The following GPC5 variants were observed in gnomAD, a reference collection of about 807,000 sequenced individuals.
GPC5 encodes the protein glypican-5.
A neutral mutation model predicts 53.9 loss-of-function variants in GPC5; 47 were observed. The ratio of observed to expected loss-of-function variants is 0.87; its 90% CI spans 0.69 to 1.11. The LOEUF is 1.11. Among genes scored for constraint, GPC5 ranks in the 50% most tolerant of loss-of-function variants. The probability of loss-of-function intolerance (pLI) is 0.00; values close to 1 mark genes in which losing one functional copy is unlikely to be tolerated. For missense variants in GPC5, 748 were observed against 713.1 expected (o/e 1.05, Z -0.56); for synonymous variants, 286 against 263.3 (o/e 1.09, Z -0.84).
chr13:92,365,771 A>C (rs916032310), intron 7 of GPC5, among the ~76,000 whole-genome samples: 2 of 151,066 alleles, frequency 1.3e-5, no homozygotes, highest in Admixed American at 1.3e-4. Flanking sequence ...CCACCTTCAC[A>C]TCTTGTCCTA....
rs571907495 is a variant in GPC5 at position 91,510,492 on chromosome 13, G to A, written c.325+61570G>A. Among the ~76,000 whole-genome samples, 6 of 152,120 alleles carry A rather than the reference G, an allele frequency of 3.9e-5. No individual in the cohort carries two copies. The South Asian group carries it at 1.0e-3, about 26-fold the overall frequency. ...GGCAGATTCTTTAAACATGAAGTAG[G>A]ATAAACATTTATAGATATATAATTT... On this transcript the variant is annotated intron_variant, in intron 2 of 7. Transcript: ENST00000377067.
chr13:92,201,693 G>A (rs1201631266), intron 7 of GPC5, among the ~76,000 whole-genome samples: 1 of 152,100 alleles, frequency 6.6e-6, no homozygotes, highest in African/African-American at 2.4e-5. Context: ...AACTACAGGT[G>A]GGGGAGATTG....
rs185805573 is a variant in GPC5, at chr13:91,805,518, C to G, written c.1280+49098C>G. ...TATTCAGTAAGCATGTATCTCGCAA[C>G]ACACAAGACGTGTATATTAATGAAA... On this transcript the variant is annotated intron_variant, in intron 5 of 7. Coordinates refer to ENST00000377067, the MANE Select transcript of GPC5 (RefSeq NM_004466.6). Among the ~76,000 whole-genome samples, 282 of 152,230 alleles carry G rather than the reference C, an allele frequency of 1.9e-3. 2 individuals are homozygous for G. The Middle Eastern group carries it at 0.037, about 20-fold the overall frequency.
intron 4 of GPC5, among the ~76,000 whole-genome samples, chr13:91,745,700 C>T (rs1405842338): frequency 6.6e-6 from 1 of 152,074 alleles, no homozygotes; most frequent in Non-Finnish European, 1.5e-5. Flanking sequence ...AGGTGGGGTT[C>T]AGAGAGCAGA....
At chr13:92,297,488 C>G (rs891374395) in intron 7 of GPC5, among the ~76,000 whole-genome samples, 2 of 147,912 alleles carry the variant, frequency 1.4e-5, no homozygotes, top group African/African-American at 5.1e-5. Flanking sequence ...GTATCTAGCT[C>G]AAGGTTTGTA....
chr13:92,165,226 T>C (rs2042018594), intron 7 of GPC5, among the ~76,000 whole-genome samples: 1 of 152,214 alleles, frequency 6.6e-6, no homozygotes, highest in Non-Finnish European at 1.5e-5. Flanking sequence ...TCTTTTCTAT[T>C]GGATCATCAG....
intron 7 of GPC5, among the ~76,000 whole-genome samples, chr13:92,389,291 A>T (rs1874887687): frequency 6.6e-6 from 1 of 152,254 alleles, no homozygotes; most frequent in East Asian, 1.9e-4. Flanking sequence ...TATACATAAG[A>T]TCACACCCTT....
At chr13:92,810,898 T>A (rs1261178674) in intron 7 of GPC5, among the ~76,000 whole-genome samples, 2 of 151,854 alleles carry the variant, frequency 1.3e-5, no homozygotes, top group Non-Finnish European at 2.9e-5. Flanking sequence ...TTTTTTGTAT[T>A]TTTAGTAGAG....
intron 2 of GPC5, among the ~76,000 whole-genome samples, chr13:91,632,474 T>C (rs2034182882): frequency 6.6e-6 from 1 of 152,084 alleles, no homozygotes; most frequent in Non-Finnish European, 1.5e-5. Flanking sequence ...TTCATTTCAT[T>C]ATGGAAGATG....
At chr13:91,922,927 T>G (rs2352192) in intron 6 of GPC5, among the ~76,000 whole-genome samples, 63,879 of 152,010 alleles carry the variant, frequency 0.42, 15,661 homozygotes, top group East Asian at 0.73. Flanking sequence ...TTTTTCTGGG[T>G]GTTAACTTAA....
intron 2 of GPC5, among the ~76,000 whole-genome samples, chr13:91,488,704 T>C (rs962326180): frequency 6.6e-6 from 1 of 152,220 alleles, no homozygotes; most frequent in African/African-American, 2.4e-5. Context: ...GACCCTGTGA[T>C]AATTGTGTTA....
chr13:91,453,028 A>G (rs570877469), intron 2 of GPC5, among the ~76,000 whole-genome samples: 2 of 126,492 alleles, frequency 1.6e-5, no homozygotes, highest in East Asian at 4.9e-4. Context: ...CATTATTCTA[A>G]AAAAATGTTA....
chr13:92,024,765 A>G (rs888588801), intron 6 of GPC5, among the ~76,000 whole-genome samples: 1 of 152,176 alleles, frequency 6.6e-6, no homozygotes. Context: ...CTCTTACCTC[A>G]AAAGATTTAA....
rs367716887 is a variant in GPC5 at position 92,581,553 on chromosome 13, A to G, written c.1562-284729A>G. On this transcript the variant is annotated intron_variant, in intron 7 of 7. Transcript: ENST00000377067. ...AGGACAGTGCAGATATCTCTTTGAC[A>G]TACCAATTTCATATCCTTTAGAAAT... Among the ~76,000 whole-genome samples the G allele has an allele frequency of 1.8e-4, 28 of 152,292 alleles. No homozygotes were observed. The South Asian group carries it at 5.8e-3, about 32-fold the overall frequency.
chr13:92,367,048 C>A lies in GPC5; in HGVS notation c.1561+222059C>A, dbSNP rs551539420. ...TATTTTATACCTATTTCAGACAGGA[C>A]AGTTATGTTAACCATCTATTCAATT... On this transcript the variant is annotated intron_variant, in intron 7 of 7. Transcript: ENST00000377067. Among the ~76,000 whole-genome samples the A allele has an allele frequency of 3.3e-5, 5 of 152,230 alleles. 1 individual carries two copies. The highest frequency in any genetic ancestry group is 1.2e-4 in the African/African-American group (5 of 41,546).
intron 2 of GPC5, among the ~76,000 whole-genome samples, chr13:91,592,150 G>T (rs1438178108): frequency 3.9e-5 from 6 of 151,950 alleles, no homozygotes; most frequent in Admixed American, 3.9e-4. Flanking sequence ...CTCTGTATAG[G>T]GTCTTTATGG....
intron 7 of GPC5, among the ~76,000 whole-genome samples, chr13:92,458,938 C>T (rs1878378350): frequency 6.6e-6 from 1 of 152,130 alleles, no homozygotes; most frequent in Non-Finnish European, 1.5e-5. Context: ...TGAGTGCCTA[C>T]TTTGGAAAAT....
At chr13:92,312,804 A>G (rs998625934) in intron 7 of GPC5, among the ~76,000 whole-genome samples, 6 of 152,174 alleles carry the variant, frequency 3.9e-5, no homozygotes, top group Non-Finnish European at 8.8e-5. Flanking sequence ...CTTGAATTAC[A>G]TTTTTGAAAT....
At chr13:92,485,713 T>A (rs980045590) in intron 7 of GPC5, among the ~76,000 whole-genome samples, 1 of 152,174 alleles carries the variant, frequency 6.6e-6, no homozygotes, top group Non-Finnish European at 1.5e-5. Flanking sequence ...CGTTGGCACA[T>A]GCCTGTAATC....
Sources: gnomAD v4.1 joint callset for allele counts (sites outside exome capture counted in the v4.1 genomes callset) on GRCh38, gnomAD v4.1.1 for gene constraint, MANE v1.5 for transcripts, NCBI Gene and HGNC (gene_info 2026-07-23, HGNC 2026-07-21) for gene names.